NMNAT3: variants seen among roughly 807,000 people sequenced by gnomAD.
The protein encoded by NMNAT3 is nicotinamide nucleotide adenylyltransferase 3.
In NMNAT3, 21 loss-of-function variants were observed where a neutral mutation model predicts 24.8. That is an observed-to-expected ratio of 0.85 (90% CI 0.60 to 1.22). The LOEUF is 1.22. Ranked by LOEUF, NMNAT3 falls within the 50% of genes most tolerant of loss-of-function variation. The pLI, the probability that NMNAT3 is intolerant of heterozygous loss-of-function variation, is 0.00. For missense variants in NMNAT3, 387 were observed against 436.6 expected (o/e 0.89, Z 1.01); for synonymous variants, 136 against 155.2 (o/e 0.88, Z 0.92).
At chr3:139,589,635 A>G (rs2054082059) in intron 3 of NMNAT3, among the ~76,000 whole-genome samples, 1 of 152,238 alleles carries the variant, frequency 6.6e-6, no homozygotes, top group South Asian at 2.1e-4. Context: ...ATTATTGGAC[A>G]GATAGTAAAT....
At chr3:139,578,435 G>A (rs546859775) in intron 5 of NMNAT3, among the ~76,000 whole-genome samples, 3 of 151,990 alleles carry the variant, frequency 2.0e-5, no homozygotes, top group Non-Finnish European at 2.9e-5. Flanking sequence ...ATAACAAAAG[G>A]TCCCACCTAC....
intron 1 of NMNAT3, among the ~76,000 whole-genome samples, chr3:139,653,295 C>T (rs921850246): frequency 6.6e-6 from 1 of 151,686 alleles, no homozygotes; most frequent in Non-Finnish European, 1.5e-5. Flanking sequence ...CTCAATGTGC[C>T]ATGGAATAAT....
intron 3 of NMNAT3, among the ~76,000 whole-genome samples, chr3:139,590,429 G>A (rs959860702): frequency 4.6e-5 from 7 of 152,148 alleles, no homozygotes; most frequent in African/African-American, 1.4e-4. Flanking sequence ...GTGTGAGAGA[G>A]TGAAATCTTC....
At chr3:139,651,372 C>G (rs1232214510) in intron 1 of NMNAT3, among the ~76,000 whole-genome samples, 1 of 152,068 alleles carries the variant, frequency 6.6e-6, no homozygotes, top group East Asian at 1.9e-4. Flanking sequence ...ACATTTCTAA[C>G]TAATCTGAAT....
At chr3:139,578,842 G>A (rs1939719355) in intron 5 of NMNAT3, 30 bp downstream of exon 5, 3 of 1,581,230 alleles carry the variant, frequency 1.9e-6, no homozygotes, top group Non-Finnish European at 1.7e-6. Flanking sequence ...GTGGCCCCTG[G>A]TCATCACACA....
chr3:139,663,701 GC>G (rs949534568), intron 1 of NMNAT3, among the ~76,000 whole-genome samples: 7 of 152,212 alleles, frequency 4.6e-5, no homozygotes, highest in Non-Finnish European at 1.0e-4. Flanking sequence ...GAGCATCTGG[GC>G]CTCCCTCTAA....
chr3:139,567,672 T>G (rs529796327), intron 6 of NMNAT3: 1 of 152,376 alleles, frequency 6.6e-6, no homozygotes, highest in South Asian at 2.1e-4. Context: ...GAACCAGCCT[T>G]GCATCCCAGG....
rs1164359340 is a variant in NMNAT3, at chr3:139,561,376, C to G, written c.675G>C (p.Lys225Asn). Residue 225 changes from lysine to asparagine, a missense_variant, in exon 7 of 7, where the codon AAG (lysine) becomes AAC (asparagine). Lys to Asn is a moderately conservative substitution (Grantham distance 94, BLOSUM62 0). Transcript: ENST00000643695. ...TCAAGACGTCTGCCCCACAGAGAAG[C>G]TTCAGCTCAGGCACAGCTGCAAAAA... 7 of 1,613,280 alleles carry G rather than the reference C, an allele frequency of 4.3e-6. No individual in the cohort carries two copies. The highest frequency in any genetic ancestry group is 5.9e-6 in the Non-Finnish European group (7 of 1,179,400).
chr3:139,574,925 C>G (rs1280280330), intron 5 of NMNAT3, among the ~76,000 whole-genome samples: 1 of 152,154 alleles, frequency 6.6e-6, no homozygotes, highest in Non-Finnish European at 1.5e-5. Flanking sequence ...ACTGGTAGCT[C>G]TGGAGTCTTG....
intron 1 of NMNAT3, among the ~76,000 whole-genome samples, chr3:139,668,837 A>G (rs1352652759): frequency 6.6e-6 from 1 of 152,238 alleles, no homozygotes; most frequent in African/African-American, 2.4e-5. Flanking sequence ...GGAAAAATAC[A>G]TAAACACCAG....
At chr3:139,634,733 G>A (rs1243749493) in intron 2 of NMNAT3, 86 bp from the exon 3 acceptor site, 1 of 152,160 alleles carries the variant, frequency 6.6e-6, no homozygotes, top group Non-Finnish European at 1.5e-5. Flanking sequence ...TTAGTTTCGA[G>A]AAATTTCAAA....
intron 3 of NMNAT3, among the ~76,000 whole-genome samples, chr3:139,609,209 T>G (rs2055082415): frequency 6.6e-6 from 1 of 152,256 alleles, no homozygotes; most frequent in Non-Finnish European, 1.5e-5. Flanking sequence ...GTGTACAGGT[T>G]TCTGTGTGAA....
chr3:139,670,515 A>C lies in NMNAT3; in HGVS notation c.-141+7190T>G, dbSNP rs917704755. On this transcript the variant is annotated intron_variant, in intron 1 of 6. Transcript: ENST00000643695. ...GCTTCCTGGGGTCCACTTTCAAATA[A>C]ACTACTCAGACTCAAGTCCTTGTCT... 2.0e-5 allele frequency among the ~76,000 whole-genome samples: 3 copies of C among 152,318 alleles called. No homozygotes were observed. The South Asian group carries it at 6.2e-4, about 32-fold the overall frequency.
intron 1 of NMNAT3, among the ~76,000 whole-genome samples, chr3:139,661,727 G>GC (rs968036271): frequency 1.3e-5 from 2 of 151,978 alleles, no homozygotes; most frequent in South Asian, 2.1e-4. Context: ...CATAGAGGTC[G>GC]CCCCCCCAAA....
chr3:139,618,295 T>C (rs2055603146), intron 3 of NMNAT3, among the ~76,000 whole-genome samples: 1 of 152,378 alleles, frequency 6.6e-6, no homozygotes, highest in Middle Eastern at 3.4e-3. Context: ...TTCCTTTTTA[T>C]ATAATGCACA....
rs143316294 is a variant in NMNAT3, at chr3:139,629,310, G to C, written c.-40-1546C>G. On this transcript the variant is annotated intron_variant, in intron 2 of 6. Transcript: ENST00000643695. The stretch of plus-strand genomic sequence containing the variant: ...TGGATCTGCCAAAAACTATGTGCAT[G>C]AGTGTGGGTGTGATCTTTCCCCAGT... Among the ~76,000 whole-genome samples, 893 of 152,320 alleles carry C rather than the reference G, an allele frequency of 5.9e-3. 11 individuals carry two copies. Among genetic ancestry groups the C allele is most frequent in the African/African-American group, 0.02 (834 of 41,556 alleles).
chr3:139,573,380 C>A (rs371839068), intron 6 of NMNAT3, among the ~76,000 whole-genome samples: 1 of 152,122 alleles, frequency 6.6e-6, no homozygotes, highest in Non-Finnish European at 1.5e-5. Context: ...GCAAAAAATC[C>A]CAAATTAGCA....
At chr3:139,672,257 A>C (rs1440915072) in intron 1 of NMNAT3, among the ~76,000 whole-genome samples, 2 of 152,232 alleles carry the variant, frequency 1.3e-5, no homozygotes, top group African/African-American at 2.4e-5. Flanking sequence ...CTGCCTTGAC[A>C]CTTCATTTTT....
At chr3:139,588,315 G>A (rs2054024045) in intron 3 of NMNAT3, among the ~76,000 whole-genome samples, 1 of 152,106 alleles carries the variant, frequency 6.6e-6, no homozygotes, top group African/African-American at 2.4e-5. Context: ...TGGGTAACAC[G>A]ACGAGCACAT....
Sources: allele counts gnomAD v4.1 joint callset (sites outside exome capture counted in the v4.1 genomes callset), GRCh38; gene constraint gnomAD v4.1.1; transcripts MANE v1.5; gene names NCBI Gene and HGNC (gene_info 2026-07-23, HGNC 2026-07-21).